MAML3: variants seen among roughly 807,000 people sequenced by gnomAD.
The protein encoded by MAML3 is mastermind-like protein 3.
MAML3 carries 27 observed loss-of-function variants against 101.9 expected under a neutral mutation model. The ratio of observed to expected loss-of-function variants is 0.27; its 90% CI spans 0.20 to 0.37. MAML3 has a LOEUF of 0.37. MAML3 is among the 10% of genes least tolerant of loss of function. The pLI is 1.00. For synonymous variants in MAML3, 501 were observed against 555.9 expected, an observed-to-expected ratio of 0.90 and a Z score of 1.39; for missense variants, 1,316 against 1,444.9, an observed-to-expected ratio of 0.91 and a Z score of 1.45.
In MAML3 at chr4:139,861,477, A is replaced by ATGTGTGTGTGTGTGTGTGTGTGTGTG. The variant is rs55851938; in HGVS notation, c.2079+27854_2079+27879dup. On this transcript the variant is annotated intron_variant, in intron 2 of 4. Coordinates refer to ENST00000509479, the MANE Select transcript of MAML3 (RefSeq NM_018717.5). The stretch of plus-strand genomic sequence containing the variant: ...AGATGTATGAATGTCTAACCAGCCG[A>ATGTGTGTGTGTGTGTGTGTGTGTGTG]TGTGTGTGTGTGTGTGTGTGTGTGT... Among the ~76,000 whole-genome samples, 36 of 146,394 alleles carry ATGTGTGTGTGTGTGTGTGTGTGTGTG rather than the reference A, an allele frequency of 2.5e-4. 1 individual carries two copies. The highest frequency in any genetic ancestry group is 9.2e-4 in the African/African-American group (36 of 39,112).
chr4:140,103,238 A>G lies in MAML3; in HGVS notation c.468+49622T>C, dbSNP rs1398050496. On this transcript the variant is annotated intron_variant, in intron 1 of 4. Transcript: ENST00000509479. ...AAAGACCTTGGAGTGCTATATAGCT[A>G]ATAAATGCAATTAATAAAGATTTTG... Among the ~76,000 whole-genome samples the G allele has an allele frequency of 2.6e-5, 4 of 152,214 alleles. No homozygotes were observed. The East Asian group carries it at 7.7e-4, about 29-fold the overall frequency.
At chr4:139,956,320 T>A (rs528607498) in intron 1 of MAML3, among the ~76,000 whole-genome samples, 63 of 152,330 alleles carry the variant, frequency 4.1e-4, no homozygotes, top group Non-Finnish European at 7.2e-4. Context: ...GGGGCTAAAT[T>A]TCACTGCTTC....
intron 1 of MAML3, among the ~76,000 whole-genome samples, chr4:140,033,927 T>C (rs929646061): frequency 1.3e-5 from 2 of 152,218 alleles, no homozygotes; most frequent in Non-Finnish European, 2.9e-5. Flanking sequence ...TGCCCACCTT[T>C]GGAACTACAA....
chr4:140,079,634 A>G (rs533412855), intron 1 of MAML3, among the ~76,000 whole-genome samples: 4 of 152,182 alleles, frequency 2.6e-5, no homozygotes, highest in Non-Finnish European at 2.9e-5. Flanking sequence ...TGCATTGGGA[A>G]ACTAAAGAGT....
At chr4:139,765,805 A>C (rs1016097958) in intron 2 of MAML3, among the ~76,000 whole-genome samples, 2 of 152,098 alleles carry the variant, frequency 1.3e-5, no homozygotes, top group Non-Finnish European at 2.9e-5. Context: ...CAACATAGCA[A>C]GATTTTGTCT....
chr4:140,076,006 C>T (rs978247486), intron 1 of MAML3, among the ~76,000 whole-genome samples: 4 of 152,006 alleles, frequency 2.6e-5, no homozygotes, highest in Admixed American at 6.5e-5. Flanking sequence ...AAGGGATCCA[C>T]CTGCCTTGGC....
chr4:140,072,300 C>A (rs1727673061), intron 1 of MAML3, among the ~76,000 whole-genome samples: 1 of 152,138 alleles, frequency 6.6e-6, no homozygotes, highest in Non-Finnish European at 1.5e-5. Context: ...TGTCATTATT[C>A]TCTCAACAAT....
intron 1 of MAML3, among the ~76,000 whole-genome samples, chr4:139,962,740 TGA>T (rs1188229127): frequency 1.3e-5 from 2 of 152,080 alleles, no homozygotes; most frequent in Admixed American, 6.6e-5. Flanking sequence ...AAGAGAGGAA[TGA>T]GAGAGAGAGG....
chr4:139,786,770 G>A (rs1456428737), intron 2 of MAML3, among the ~76,000 whole-genome samples: 1 of 152,160 alleles, frequency 6.6e-6, no homozygotes, highest in South Asian at 2.1e-4. Context: ...TGGATAACCC[G>A]GGATTATGGG....
At chr4:139,755,436 G>A (rs898307719) in intron 2 of MAML3, among the ~76,000 whole-genome samples, 6 of 152,080 alleles carry the variant, frequency 3.9e-5, no homozygotes, top group Middle Eastern at 3.2e-3. Context: ...GTGAAACCCC[G>A]TCTCTACTAA....
intron 4 of MAML3, among the ~76,000 whole-genome samples, chr4:139,721,694 G>A (rs1728240096): frequency 6.6e-6 from 1 of 152,066 alleles, no homozygotes; most frequent in Non-Finnish European, 1.5e-5. Flanking sequence ...ATATCATACT[G>A]CATTGAAAAA....
chr4:140,149,909 G>C (rs1404986107), intron 1 of MAML3, among the ~76,000 whole-genome samples: 1 of 148,034 alleles, frequency 6.8e-6, no homozygotes, highest in Non-Finnish European at 1.5e-5. Flanking sequence ...TATTTTAAAA[G>C]GAAATATAAC....
intron 2 of MAML3, among the ~76,000 whole-genome samples, chr4:139,866,744 G>A (rs1731906316): frequency 6.6e-6 from 1 of 152,154 alleles, no homozygotes; most frequent in South Asian, 2.1e-4. Context: ...GAAGGGTGGG[G>A]GAGCAGTCGG....
chr4:139,878,118 G>A (rs916493077), intron 2 of MAML3, among the ~76,000 whole-genome samples: 2 of 152,230 alleles, frequency 1.3e-5, no homozygotes, highest in East Asian at 1.9e-4. Context: ...ATTCCGCACC[G>A]GAACCCTTCC....
intron 2 of MAML3, among the ~76,000 whole-genome samples, chr4:139,828,672 TTGAAAATGGGCAAGAGAA>T (rs1256404000): frequency 1.3e-5 from 2 of 150,380 alleles, no homozygotes; most frequent in East Asian, 3.9e-4. Context: ...GAGACGAAGG[TTGAAAATGGGCAAGAGAA>T]GGCTTTGCAG....
At chr4:139,956,222 T>A (rs1036297567) in intron 1 of MAML3, among the ~76,000 whole-genome samples, 1 of 152,204 alleles carries the variant, frequency 6.6e-6, no homozygotes, top group Non-Finnish European at 1.5e-5. Flanking sequence ...GAGGATCAAA[T>A]GAGTTTTTCT....
chr4:139,936,939 CAGG>C lies in MAML3; in HGVS notation c.469-45975_469-45973del, dbSNP rs1258574538. ...GAGGCAAGAGGCTGAATTCAGGAGC[CAGG>C]AGTTTATTTTGCTATATAATGAAAA... On this transcript the variant is annotated intron_variant, in intron 1 of 4. Transcript: ENST00000509479. 2.6e-5 allele frequency among the ~76,000 whole-genome samples: 4 copies of C among 152,252 alleles called. No homozygotes were observed. In the East Asian group the frequency reaches 7.7e-4, roughly 29 times the overall value.
At chr4:139,739,727 A>G (rs930315952) in intron 2 of MAML3, among the ~76,000 whole-genome samples, 2 of 149,986 alleles carry the variant, frequency 1.3e-5, no homozygotes, top group African/African-American at 4.9e-5. Flanking sequence ...AACTAAAAAA[A>G]AAAAAAGAAA....
At position 139,720,250 on chromosome 4, in the gene MAML3, T is replaced by A; in HGVS notation, c.2490A>T (p.Ala830=). The A allele has an allele frequency of 6.2e-7, 1 of 1,602,886 alleles. No individual in the cohort carries two copies. Among genetic ancestry groups the A allele is most frequent in the South Asian group, 1.1e-5 (1 of 89,730 alleles). The change falls in exon 5 of 5, where the codon GCA becomes GCT. Residue 830 remains alanine, a synonymous_variant. Coordinates refer to ENST00000509479, the MANE Select transcript of MAML3 (RefSeq NM_018717.5). The stretch of plus-strand genomic sequence containing the variant: ...CTATTCCCATCATGCCTGCGTTCTG[T>A]GCCATCAGCCGTGACGTTCGCATGC... The part of the protein sequence containing the change: ...LQSMRTSRLM[A]QNAGMMGIGP...
Sources: gnomAD v4.1 joint callset for allele counts (sites outside exome capture counted in the v4.1 genomes callset) on GRCh38, gnomAD v4.1.1 for gene constraint, MANE v1.5 for transcripts, NCBI Gene and HGNC (gene_info 2026-07-23, HGNC 2026-07-21) for gene names.